WNK2: variants seen among roughly 807,000 people sequenced by gnomAD.
WNK2 encodes the protein serine/threonine-protein kinase WNK2.
Under a neutral mutation model 192.1 loss-of-function variants are expected in WNK2, and 67 were observed. The observed-to-expected ratio is 0.35, with a 90% confidence interval of 0.29 to 0.43. The LOEUF (loss-of-function observed/expected upper bound fraction) is 0.43, where lower values mean the gene tolerates loss of function less well. WNK2 is among the 20% of genes least tolerant of loss of function. The pLI is 1.00. For missense variants in WNK2, 2,698 were observed against 3,089.7 expected (o/e 0.87, Z 3.01); for synonymous variants, 1,439 against 1,393.9 (o/e 1.03, Z -0.72).
chr9:93,256,155 A>C, intron 9 of WNK2, 144 bp from the exon 10 acceptor site: 1 of 1,041,310 alleles, frequency 9.6e-7, no homozygotes, highest in Admixed American at 3.5e-5. Context: ...GGGCTCCCTC[A>C]CTGCTTCTGC....
chr9:93,203,987 A>T (rs111278872), intron 2 of WNK2, among the ~76,000 whole-genome samples: 2,754 of 152,046 alleles, frequency 0.018, 41 homozygotes, highest in Admixed American at 0.022. Context: ...GGAGACATTG[A>T]TGGGGCTGCG....
Position 93,259,020 on chromosome 9 carries a change from T to G in WNK2, c.2472T>G (p.Thr824=), listed in dbSNP as rs754371592. The G allele has an allele frequency of 5.6e-6, 9 of 1,612,668 alleles. No homozygotes were observed. Among genetic ancestry groups the G allele is most frequent in the African/African-American group, 1.3e-5 (1 of 74,764 alleles). ...CCCTCCCAGACCTGCCGACCGCGAC[T>G]GTGCCTCCCGTGCCACCACCTCAGT... ...PPALPDLPTA[T]VPPVPPPQYF... The change falls in exon 12 of 30, where the codon ACT becomes ACG. Residue 824 remains threonine, a synonymous_variant. Coordinates refer to ENST00000427277, the MANE Select transcript of WNK2 (RefSeq NM_006648.4). This position sits in a 1 kb window ranked among gnomAD's most constrained non-coding sequence, Gnocchi z 4.8.
intron 3 of WNK2, 25 bp from the exon 4 acceptor site, chr9:93,230,863 G>A (rs1564039616): frequency 1.2e-6 from 2 of 1,605,010 alleles, no homozygotes; most frequent in Non-Finnish European, 1.7e-6. Context: ...GCTGCTTGGT[G>A]AGCTGTGCCC....
At chr9:93,226,809 T>G (rs1039083067) in intron 2 of WNK2, among the ~76,000 whole-genome samples, 4 of 152,238 alleles carry the variant, frequency 2.6e-5, no homozygotes, top group African/African-American at 9.6e-5. Flanking sequence ...AGCATGCTCC[T>G]TTTTGCTGCT....
intron 2 of WNK2, among the ~76,000 whole-genome samples, chr9:93,206,138 A>C (rs1833337233): frequency 1.3e-5 from 2 of 152,326 alleles, no homozygotes; most frequent in Non-Finnish European, 2.9e-5. Flanking sequence ...GGTACAGGGC[A>C]TCACTGATGT....
intron 4 of WNK2, among the ~76,000 whole-genome samples, chr9:93,231,391 C>T (rs1246580535): frequency 6.6e-6 from 1 of 152,222 alleles, no homozygotes; most frequent in Middle Eastern, 3.2e-3. Context: ...CGACTCTGGC[C>T]CCAGATGGTC....
At chr9:93,201,895 T>A (rs557160366) in intron 2 of WNK2, among the ~76,000 whole-genome samples, 1 of 152,300 alleles carries the variant, frequency 6.6e-6, no homozygotes, top group Admixed American at 6.5e-5. Flanking sequence ...ATGGATGGGT[T>A]TCAGGCAGGC....
chr9:93,244,479 GA>G (rs1841336838), intron 7 of WNK2, among the ~76,000 whole-genome samples: 1 of 152,214 alleles, frequency 6.6e-6, no homozygotes, highest in African/African-American at 2.4e-5. Flanking sequence ...AAAAATAGAA[GA>G]AACACTTTAG....
intron 19 of WNK2, among the ~76,000 whole-genome samples, chr9:93,278,069 A>G (rs573928584): frequency 6.6e-6 from 1 of 152,190 alleles, no homozygotes; most frequent in Non-Finnish European, 1.5e-5. Context: ...AAGGCTTCGA[A>G]CATCAGTCAG....
Position 93,263,715 on chromosome 9 carries a change from C to T in WNK2, c.3560C>T (p.Pro1187Leu). 6.6e-7 allele frequency: 1 copy of T among 1,518,890 alleles called. No homozygotes were observed. Among genetic ancestry groups the T allele is most frequent in the Non-Finnish European group, 8.8e-7 (1 of 1,137,774 alleles). The allele number at this position is 1,518,890 out of a possible 1,614,324, so 94.1% of individuals were successfully genotyped here. Residue 1187 changes from proline to leucine, a missense_variant, in exon 15 of 30, where the codon CCC becomes CTC. Physicochemically the swap from Pro to Leu is moderately conservative, Grantham distance 98. Transcript: ENST00000427277. ...TCCCGGCAGGAGAGGGCCAGCCGGC[C>T]CCGGCTTACCATCTTGAACGTGAGT... is the stretch of plus-strand genomic sequence containing the variant. ...ARSRQERASR[P>L]RLTILNVCNT...
intron 2 of WNK2, among the ~76,000 whole-genome samples, chr9:93,224,097 C>T (rs1837408875): frequency 6.6e-6 from 1 of 152,138 alleles, no homozygotes. Context: ...GATTTACGGC[C>T]CCACGGAACT....
intron 29 of WNK2, among the ~76,000 whole-genome samples, chr9:93,320,148 G>A (rs144809550): frequency 3.7e-4 from 56 of 152,350 alleles, no homozygotes; most frequent in South Asian, 2.1e-3. Context: ...TCTGGCAGCC[G>A]TTCAGTGTGC....
chr9:93,257,299 G>T lies in WNK2; in HGVS notation c.2382+160G>T, dbSNP rs1259043997. Reference sequence around the variant, plus strand: ...GGGGCTGGGCTGGGGAGTCCGGGCTGGGCAGTGTGCACAGTCATATGCACC... The same window carrying T: ...GGGGCTGGGCTGGGGAGTCCGGGCTTGGCAGTGTGCACAGTCATATGCACC... On this transcript the variant is annotated intron_variant, in intron 11 of 29. Transcript: ENST00000427277. The surrounding 1 kb of genome is among the most constrained non-coding windows in gnomAD (Gnocchi z 4.7). Among the ~76,000 whole-genome samples the T allele has an allele frequency of 6.6e-6, 1 of 152,146 alleles. No individual in the cohort carries two copies. The highest frequency in any genetic ancestry group is 1.5e-5 in the Non-Finnish European group (1 of 68,012).
chr9:93,237,529 T>C (rs1474496487), intron 5 of WNK2, among the ~76,000 whole-genome samples: 2 of 152,242 alleles, frequency 1.3e-5, no homozygotes, highest in African/African-American at 4.8e-5. Context: ...TTATGTTCAT[T>C]TTCCTTTACT....
At chr9:93,186,979 T>C (rs1294398801) in intron 2 of WNK2, among the ~76,000 whole-genome samples, 1 of 152,050 alleles carries the variant, frequency 6.6e-6, no homozygotes, top group African/African-American at 2.4e-5. Flanking sequence ...TCCTGGGGTG[T>C]GCTGGGCATT....
At position 93,229,365 on chromosome 9, in the gene WNK2, AAGTG is replaced by A. The variant is rs1312308364; in HGVS notation, c.682-325_682-322del. 6.6e-6 allele frequency among the ~76,000 whole-genome samples: 1 copy of A among 152,240 alleles called. No individual in the cohort carries two copies. The highest frequency in any genetic ancestry group is 2.4e-5 in the African/African-American group (1 of 41,460). ...TCCATTCTTTTCACAAACACACAGA[AAGTG>A]AGTGATTGTGGAGGAGGCAAAGGCC... On this transcript the variant is annotated intron_variant, in intron 2 of 29. Coordinates refer to ENST00000427277, the MANE Select transcript of WNK2 (RefSeq NM_006648.4). This position sits in a 1 kb window ranked among gnomAD's most constrained non-coding sequence, Gnocchi z 4.9.
chr9:93,206,509 C>T (rs1462298070), intron 2 of WNK2, among the ~76,000 whole-genome samples: 2 of 149,386 alleles, frequency 1.3e-5, no homozygotes, highest in African/African-American at 4.9e-5. Flanking sequence ...CCGGGGAGTT[C>T]TGACTGGGGG....
intron 19 of WNK2, among the ~76,000 whole-genome samples, chr9:93,275,962 C>T (rs1588377281): frequency 6.6e-6 from 1 of 152,270 alleles, no homozygotes; most frequent in East Asian, 1.9e-4. Flanking sequence ...GGTTACCTAA[C>T]TAAATAGAGA....
Position 93,202,325 on chromosome 9 carries a change from CGTGTGTGTGTGTGTGT to C in WNK2, c.681+16742_681+16757del, listed in dbSNP as rs761769543. On this transcript the variant is annotated intron_variant, in intron 2 of 29. Transcript: ENST00000427277. ...GGGCCTCTGCTGGGCTCCGTGTGCA[CGTGTGTGTGTGTGTGT>C]GTGTGTGTGTGTGTGTGTGTGTGTG... is the stretch of plus-strand genomic sequence containing the variant. Among the ~76,000 whole-genome samples, 10 of 130,650 alleles carry C rather than the reference CGTGTGTGTGTGTGTGT, an allele frequency of 7.7e-5. No homozygotes were observed. The South Asian group carries it at 2.1e-3, about 27-fold the overall frequency. The allele number at this position is 130,650 out of a possible 152,430, so 85.7% of individuals were successfully genotyped here. A position where few individuals can be genotyped will look rare whatever the true frequency, so the allele number is the denominator to read the frequency against.
Sources: gnomAD v4.1 joint callset for allele counts (sites outside exome capture counted in the v4.1 genomes callset) on GRCh38, gnomAD v4.1.1 for gene constraint, Gnocchi (gnomAD v3.1) non-coding constraint, MANE v1.5 for transcripts, NCBI Gene and HGNC (gene_info 2026-07-23, HGNC 2026-07-21) for gene names.